Variants in GRID2 observed in about 807,000 individuals in gnomAD.
The protein encoded by GRID2 is glutamate ionotropic receptor delta type subunit 2.
Under a neutral mutation model 114.8 loss-of-function variants are expected in GRID2, and 33 were observed. The observed-to-expected ratio is 0.29, with a 90% confidence interval of 0.22 to 0.38. The LOEUF is 0.38. GRID2 is among the 10% of genes least tolerant of loss of function. The pLI is 1.00. For missense variants in GRID2, 1,184 were observed against 1,257.7 expected (o/e 0.94, Z 0.89); for synonymous variants, 505 against 449.9 (o/e 1.12, Z -1.55).
intron 14 of GRID2, among the ~76,000 whole-genome samples, chr4:93,648,445 A>G (rs922546108): frequency 1.3e-5 from 2 of 152,224 alleles, no homozygotes; most frequent in Non-Finnish European, 2.9e-5. Context: ...CTTATAAGTA[A>G]TGACAGCAAA....
intron 8 of GRID2, among the ~76,000 whole-genome samples, chr4:93,382,416 T>C (rs971894647): frequency 6.6e-6 from 1 of 152,030 alleles, no homozygotes; most frequent in Non-Finnish European, 1.5e-5. Flanking sequence ...TGTTCACTTT[T>C]CTTTAATCTT....
chr4:93,582,108 A>G (rs936610106), intron 13 of GRID2, among the ~76,000 whole-genome samples: 2 of 152,174 alleles, frequency 1.3e-5, no homozygotes, highest in Admixed American at 6.5e-5. Flanking sequence ...TTCAAAATGG[A>G]TCTTACTGGC....
At chr4:92,776,837 G>A (rs1192555183) in intron 2 of GRID2, among the ~76,000 whole-genome samples, 2 of 151,828 alleles carry the variant, frequency 1.3e-5, no homozygotes, top group African/African-American at 4.8e-5. Context: ...TATTAATGAA[G>A]GTAGTATATC....
intron 11 of GRID2, among the ~76,000 whole-genome samples, chr4:93,469,227 C>G (rs1010746466): frequency 6.6e-6 from 1 of 152,002 alleles, no homozygotes; most frequent in African/African-American, 2.4e-5. Context: ...TTTTTTTCTT[C>G]TCAATCAACC....
chr4:93,154,160 G>C (rs1413560620), intron 4 of GRID2, among the ~76,000 whole-genome samples: 9 of 152,014 alleles, frequency 5.9e-5, no homozygotes, highest in Non-Finnish European at 1.3e-4. Context: ...ACCCTCAGGA[G>C]TAATGATACC....
At chr4:93,158,690 C>T (rs564884397) in intron 4 of GRID2, among the ~76,000 whole-genome samples, 3 of 151,810 alleles carry the variant, frequency 2.0e-5, no homozygotes, top group East Asian at 1.9e-4. Context: ...CTCTGGAGTT[C>T]GAGTTTGGCA....
At chr4:93,722,040 T>C (rs1206961358) in intron 14 of GRID2, among the ~76,000 whole-genome samples, 1 of 151,214 alleles carries the variant, frequency 6.6e-6, no homozygotes, top group Non-Finnish European at 1.5e-5. Flanking sequence ...TTTCTCAGTC[T>C]CCCAAGCAGC....
At chr4:93,244,021 T>C (rs1014958082) in intron 8 of GRID2, among the ~76,000 whole-genome samples, 1 of 152,050 alleles carries the variant, frequency 6.6e-6, no homozygotes, top group Admixed American at 6.6e-5. Flanking sequence ...TAAGAAGACA[T>C]AAAAAGTAAA....
intron 13 of GRID2, among the ~76,000 whole-genome samples, chr4:93,611,961 T>C (rs1195639909): frequency 6.7e-6 from 1 of 148,476 alleles, no homozygotes; most frequent in African/African-American, 2.5e-5. Context: ...AGTCTCTTTG[T>C]AGGTCACTCA....
At chr4:93,030,621 G>A (rs1019006854) in intron 2 of GRID2, among the ~76,000 whole-genome samples, 8 of 151,840 alleles carry the variant, frequency 5.3e-5, no homozygotes, top group East Asian at 1.9e-4. Flanking sequence ...CTGACCTCAA[G>A]CAATCCACCC....
At chr4:92,885,297 A>G (rs749082659) in intron 2 of GRID2, among the ~76,000 whole-genome samples, 15 of 152,188 alleles carry the variant, frequency 9.9e-5, no homozygotes, top group Non-Finnish European at 1.8e-4. Context: ...GCCACTGCTG[A>G]CAGAGCTAAG....
intron 11 of GRID2, among the ~76,000 whole-genome samples, chr4:93,484,457 C>CA (rs569940950): frequency 1.4e-4 from 21 of 150,102 alleles, no homozygotes; most frequent in Admixed American, 6.7e-4. Flanking sequence ...TGTTTGTGTT[C>CA]AAAAAAAAAC....
chr4:92,540,854 T>C (rs1484147841), intron 1 of GRID2, among the ~76,000 whole-genome samples: 1 of 152,126 alleles, frequency 6.6e-6, no homozygotes, highest in Non-Finnish European at 1.5e-5. Flanking sequence ...ATATGTTTAT[T>C]GCGGCACTAT....
At chr4:92,603,706 A>T (rs915635198) in intron 2 of GRID2, among the ~76,000 whole-genome samples, 2 of 152,108 alleles carry the variant, frequency 1.3e-5, no homozygotes, top group Non-Finnish European at 2.9e-5. Context: ...AATTTAACTA[A>T]AGAGATTCTG....
intron 2 of GRID2, among the ~76,000 whole-genome samples, chr4:92,679,324 C>T (rs11736718): frequency 0.027 from 4,116 of 152,090 alleles, 78 homozygotes; most frequent in South Asian, 0.053. Context: ...ACACACCCTG[C>T]TGTTTCCTAG....
At chr4:92,567,381 A>G (rs778487625) in intron 1 of GRID2, among the ~76,000 whole-genome samples, 2 of 151,958 alleles carry the variant, frequency 1.3e-5, no homozygotes, top group African/African-American at 2.4e-5. Flanking sequence ...ATAGGCTTAC[A>G]TTTGCCACTT....
At chr4:92,386,422 T>A (rs975166311) in intron 1 of GRID2, among the ~76,000 whole-genome samples, 1 of 151,772 alleles carries the variant, frequency 6.6e-6, no homozygotes, top group African/African-American at 2.4e-5. Context: ...CTGTTAAAAA[T>A]TAAGCTGTCA....
intron 2 of GRID2, among the ~76,000 whole-genome samples, chr4:92,889,480 GACAA>G (rs1362574945): frequency 1.3e-5 from 2 of 152,034 alleles, no homozygotes; most frequent in Non-Finnish European, 2.9e-5. Flanking sequence ...ACCAATAATA[GACAA>G]ACAGAAAGTC....
intron 1 of GRID2, among the ~76,000 whole-genome samples, chr4:93,786,206 G>T (rs966876113): frequency 2.0e-5 from 3 of 152,192 alleles, no homozygotes; most frequent in African/African-American, 7.2e-5. Flanking sequence ...CAGGCCCCGG[G>T]TGAGAACAGT....
Sources: gnomAD v4.1 joint callset for allele counts (sites outside exome capture counted in the v4.1 genomes callset) on GRCh38, gnomAD v4.1.1 for gene constraint, MANE v1.5 for transcripts, NCBI Gene and HGNC (gene_info 2026-07-23, HGNC 2026-07-21) for gene names.